LDLRAD3: variants seen among roughly 807,000 people sequenced by gnomAD.
The protein encoded by LDLRAD3 is low density lipoprotein receptor class A domain containing 3.
A neutral mutation model predicts 29.4 loss-of-function variants in LDLRAD3; 20 were observed. That is an observed-to-expected ratio of 0.68 (90% confidence interval 0.48 to 0.99). The LOEUF is 0.99. LDLRAD3 is among the 50% of genes least tolerant of loss of function. The probability of loss-of-function intolerance (pLI) is 0.00; values close to 1 mark genes in which losing one functional copy is unlikely to be tolerated. For synonymous variants in LDLRAD3, 157 were observed against 192.7 expected (o/e 0.81, Z 1.53); for missense variants, 420 against 454.3 (o/e 0.92, Z 0.69).
intron 4 of LDLRAD3, among the ~76,000 whole-genome samples, chr11:36,127,030 G>T (rs1474127423): frequency 3.2e-4 from 49 of 152,134 alleles, no homozygotes; most frequent in Admixed American, 3.2e-3. Context: ...GTCTGGTTTT[G>T]CCCATTTTTC....
At chr11:36,131,147 C>A (rs1428967348) in intron 4 of LDLRAD3, among the ~76,000 whole-genome samples, 1 of 152,232 alleles carries the variant, frequency 6.6e-6, no homozygotes, top group Admixed American at 6.5e-5. Context: ...TGGCTCATGC[C>A]TGTAAGGCTC....
At chr11:36,199,929 G>A (rs1855097815) in intron 4 of LDLRAD3, among the ~76,000 whole-genome samples, 1 of 152,128 alleles carries the variant, frequency 6.6e-6, no homozygotes. Context: ...CACTTTAGGA[G>A]GCTGAGGTGG....
Position 35,953,364 on chromosome 11 carries a change from C to T in LDLRAD3, c.46+9220C>T, listed in dbSNP as rs180767366. Among the ~76,000 whole-genome samples, 11 of 152,244 alleles carry T rather than the reference C, an allele frequency of 7.2e-5. No individual in the cohort carries two copies. In the East Asian group the frequency reaches 2.1e-3, roughly 29 times the overall value. ...TAACTTGATTTAGAAGACTTGCATA[C>T]CCAAGGTGCCAGTGTTCCAGGTGGC... On this transcript the variant is annotated intron_variant, in intron 1 of 5. Coordinates refer to ENST00000315571, the MANE Select transcript of LDLRAD3 (RefSeq NM_174902.4).
chr11:36,104,696 C>G (rs1480509996), intron 4 of LDLRAD3, among the ~76,000 whole-genome samples: 1 of 152,168 alleles, frequency 6.6e-6, no homozygotes, highest in Non-Finnish European at 1.5e-5. Flanking sequence ...CACCCCTTTT[C>G]TAGATGAAGA....
chr11:35,955,961 C>T (rs927686478), intron 1 of LDLRAD3, among the ~76,000 whole-genome samples: 1 of 152,200 alleles, frequency 6.6e-6, no homozygotes, highest in Non-Finnish European at 1.5e-5. Flanking sequence ...GAAGTGCTCA[C>T]TCATGGAAGC....
chr11:36,106,885 C>G (rs186989466), intron 4 of LDLRAD3, among the ~76,000 whole-genome samples: 2 of 152,182 alleles, frequency 1.3e-5, no homozygotes, highest in East Asian at 3.9e-4. Flanking sequence ...TGCTTTGGCC[C>G]GTGGTGTGTT....
At chr11:35,998,992 G>A (rs1259487497) in intron 1 of LDLRAD3, among the ~76,000 whole-genome samples, 1 of 152,140 alleles carries the variant, frequency 6.6e-6, no homozygotes, top group East Asian at 1.9e-4. Context: ...TTTAATGAGG[G>A]CCAACTCTAT....
At chr11:36,108,278 C>G (rs1453688047) in intron 4 of LDLRAD3, among the ~76,000 whole-genome samples, 9 of 132,738 alleles carry the variant, frequency 6.8e-5, no homozygotes, top group Admixed American at 2.7e-4. Flanking sequence ...CGAGATCGCG[C>G]CATTGCACTC....
intron 3 of LDLRAD3, among the ~76,000 whole-genome samples, chr11:36,084,548 A>G (rs1454116465): frequency 6.6e-6 from 1 of 152,228 alleles, no homozygotes; most frequent in Non-Finnish European, 1.5e-5. Flanking sequence ...AGTATGAGTC[A>G]AACTATTTAT....
chr11:36,101,569 A>G (rs1853447007), intron 4 of LDLRAD3, among the ~76,000 whole-genome samples: 1 of 152,164 alleles, frequency 6.6e-6, no homozygotes, highest in African/African-American at 2.4e-5. Context: ...CCCTGCAGTG[A>G]GTGTGAGATG....
chr11:36,072,768 G>T (rs756449887), intron 2 of LDLRAD3, among the ~76,000 whole-genome samples: 14 of 152,192 alleles, frequency 9.2e-5, no homozygotes, highest in Non-Finnish European at 1.9e-4. Context: ...GCACCTATGT[G>T]GACTGCCTGT....
intron 4 of LDLRAD3, among the ~76,000 whole-genome samples, chr11:36,187,328 T>C (rs904867272): frequency 6.6e-6 from 1 of 152,198 alleles, no homozygotes; most frequent in African/African-American, 2.4e-5. Context: ...AACCAGACTT[T>C]TCTATATATG....
chr11:36,217,962 A>G (rs930956411), intron 4 of LDLRAD3, among the ~76,000 whole-genome samples: 12 of 152,152 alleles, frequency 7.9e-5, no homozygotes, highest in Non-Finnish European at 1.6e-4. Context: ...TATATCTGCA[A>G]AGACCCTTTT....
chr11:36,116,538 A>C (rs1308393104), intron 4 of LDLRAD3, among the ~76,000 whole-genome samples: 2 of 152,124 alleles, frequency 1.3e-5, no homozygotes, highest in Non-Finnish European at 2.9e-5. Flanking sequence ...AACAGAGCTG[A>C]ATCTCGTATT....
At chr11:36,002,197 A>G (rs1851833549) in intron 1 of LDLRAD3, among the ~76,000 whole-genome samples, 1 of 152,200 alleles carries the variant, frequency 6.6e-6, no homozygotes, top group African/African-American at 2.4e-5. Context: ...TTTTGTTGTT[A>G]CAAACATCAC....
chr11:36,054,840 A>AATGGATGGATGGATGGATGGATGGATGG (rs201580069), intron 2 of LDLRAD3, among the ~76,000 whole-genome samples: 1 of 133,830 alleles, frequency 7.5e-6, no homozygotes, highest in African/African-American at 2.9e-5. Flanking sequence ...TGGATGGATG[A>AATGGATGGATGGATGGATGGATGGATGG]ATGGATGGAT....
chr11:36,221,777 C>G (rs1447158504), intron 4 of LDLRAD3, among the ~76,000 whole-genome samples: 1 of 152,128 alleles, frequency 6.6e-6, no homozygotes, highest in African/African-American at 2.4e-5. Context: ...AAGTAAATCT[C>G]CCTCTCCACA....
At chr11:35,995,841 A>G (rs1368965696) in intron 1 of LDLRAD3, among the ~76,000 whole-genome samples, 1 of 152,198 alleles carries the variant, frequency 6.6e-6, no homozygotes, top group Non-Finnish European at 1.5e-5. Flanking sequence ...AATCTCTGCT[A>G]GCTTTAAACT....
chr11:35,991,322 C>G (rs1851686301), intron 1 of LDLRAD3, among the ~76,000 whole-genome samples: 1 of 152,122 alleles, frequency 6.6e-6, no homozygotes, highest in Admixed American at 6.6e-5. Context: ...AAAATGAGTC[C>G]TGTTATTATT....
Sources: allele counts gnomAD v4.1 joint callset (sites outside exome capture counted in the v4.1 genomes callset), GRCh38; gene constraint gnomAD v4.1.1; transcripts MANE v1.5; gene names NCBI Gene and HGNC (gene_info 2026-07-23, HGNC 2026-07-21).